LINGO1: variants seen among roughly 807,000 people sequenced by gnomAD.
LINGO1 encodes the protein leucine-rich repeat and immunoglobulin-like domain-containing nogo receptor-interacting protein 1.
In LINGO1, 11 loss-of-function variants were observed where a neutral mutation model predicts 37.3. The ratio of observed to expected loss-of-function variants is 0.29; its 90% CI spans 0.19 to 0.49. LINGO1 has a LOEUF of 0.49. Ranked by LOEUF, LINGO1 falls within the 20% of genes least tolerant of loss-of-function variation. The pLI, the probability that LINGO1 is intolerant of heterozygous loss-of-function variation, is 0.99. For missense variants in LINGO1, 585 were observed against 878.2 expected, an observed-to-expected ratio of 0.67 and a Z score of 4.22; for synonymous variants, 387 against 403.0, an observed-to-expected ratio of 0.96 and a Z score of 0.48.
rs1385534919 is a variant in LINGO1 at position 77,615,219 on chromosome 15, T to C, written c.688A>G (p.Ile230Val). 6.2e-7 allele frequency: 1 copy of C among 1,613,612 alleles called. No individual in the cohort carries two copies. Among genetic ancestry groups the C allele is most frequent in the Non-Finnish European group, 8.5e-7 (1 of 1,179,826 alleles). The change falls in exon 2 of 2, where the codon ATC becomes GTC. Residue 230 changes from isoleucine to valine, a missense_variant. By Grantham distance (29) the Ile-to-Val change is conservative. Around this residue, in one of 4 missense-constraint regions of LINGO1, gnomAD observed 484 missense variants for 735.0 expected, o/e 0.66. Coordinates refer to ENST00000355300, the MANE Select transcript of LINGO1 (RefSeq NM_032808.7). ...AGCCTCTTGAAGGAGTAGTCCCGGATGGCATTGATGTTGAGGTGCCGGAGC... is the reference window on the plus strand; with the variant it reads ...AGCCTCTTGAAGGAGTAGTCCCGGACGGCATTGATGTTGAGGTGCCGGAGC... ...LRLRHLNINAIRDYSFKRLYR... is the reference protein window; with the variant it reads ...LRLRHLNINAVRDYSFKRLYR...
At chr15:77,742,408 C>A (rs1360616752) in intron 1 of LINGO1, among the ~76,000 whole-genome samples, 3 of 152,212 alleles carry the variant, frequency 2.0e-5, no homozygotes, top group Non-Finnish European at 4.4e-5. Flanking sequence ...CACATCAGCT[C>A]ACCTCCCTCT....
At chr15:77,737,520 C>T (rs1384023628) in intron 1 of LINGO1, among the ~76,000 whole-genome samples, 1 of 152,090 alleles carries the variant, frequency 6.6e-6, no homozygotes, top group East Asian at 1.9e-4. Flanking sequence ...CACATGCCCT[C>T]CCATTTCTCT....
rs148844248 is a variant in LINGO1 at position 77,762,821 on chromosome 15, C to G, written c.-257+24048G>C. ...CACCCGTGCCTGCCAAGCAGCCCCCCACACCTCTTCCCTGCCCCAGGGCTT... is the reference window on the plus strand; with the variant it reads ...CACCCGTGCCTGCCAAGCAGCCCCCGACACCTCTTCCCTGCCCCAGGGCTT... On this transcript the variant is annotated intron_variant, in intron 1 of 3. Coordinates refer to the LINGO1 transcript ENST00000561686. 5.8e-4 allele frequency among the ~76,000 whole-genome samples: 88 copies of G among 152,284 alleles called. 1 individual carries two copies. The East Asian group carries it at 0.014, about 25-fold the overall frequency.
chr15:77,693,107 T>C (rs961405915), intron 1 of LINGO1, among the ~76,000 whole-genome samples: 1 of 152,210 alleles, frequency 6.6e-6, no homozygotes, highest in African/African-American at 2.4e-5. Context: ...CACAAAACTG[T>C]CATATCATTA....
chr15:77,688,821 C>G (rs770284541), intron 2 of LINGO1, among the ~76,000 whole-genome samples: 3 of 152,246 alleles, frequency 2.0e-5, no homozygotes, highest in Non-Finnish European at 4.4e-5. Context: ...CAACTGCAAG[C>G]CACAGCATCC....
In LINGO1 at chr15:77,745,146, G is replaced by T. The variant is rs1282751420; in HGVS notation, c.-256-10093C>A. On this transcript the variant is annotated intron_variant, in intron 1 of 3. Transcript: ENST00000561686. ...GTCTTAAAAAAAAAAAAAAAAAAAA[G>T]GCTGGGCACGGTGGCTCACGCCTGT... 4.0e-5 allele frequency among the ~76,000 whole-genome samples: 5 copies of T among 123,506 alleles called. No homozygotes were observed. In the East Asian group the frequency reaches 9.6e-4, roughly 24 times the overall value. 81.0% of individuals were successfully genotyped at this position (123,506 alleles called of 152,430 possible).
At chr15:77,634,975 C>T (rs994101405), upstream of LINGO1, among the ~76,000 whole-genome samples, 2 of 152,182 alleles carry the variant, frequency 1.3e-5, no homozygotes, top group African/African-American at 2.4e-5. Context: ...GCCACCACAT[C>T]TCTCCGCCCC....
At chr15:77,790,974 C>G (rs773765889), upstream of LINGO1, among the ~76,000 whole-genome samples, 8 of 152,190 alleles carry the variant, frequency 5.3e-5, no homozygotes, top group Non-Finnish European at 1.2e-4. Context: ...TGGGTTCCAA[C>G]CTGGCTGACC....
At chr15:77,720,573 T>A (rs960058685) in intron 2 of LINGO1, 1 of 152,254 alleles carries the variant, frequency 6.6e-6, no homozygotes, top group African/African-American at 2.4e-5. Flanking sequence ...AAAGAAAGCA[T>A]TTTAATTAAC....
chr15:77,760,873 A>G (rs968511291), intron 1 of LINGO1, among the ~76,000 whole-genome samples: 8 of 149,428 alleles, frequency 5.4e-5, no homozygotes, highest in Admixed American at 3.3e-4. Flanking sequence ...AACCACAGAA[A>G]TTTGCTAAAA....
intron 2 of LINGO1, among the ~76,000 whole-genome samples, chr15:77,732,749 GC>G (rs1227490474): frequency 6.6e-6 from 1 of 152,236 alleles, no homozygotes; most frequent in Non-Finnish European, 1.5e-5. Flanking sequence ...TCGGACAGAT[GC>G]CGTTGTTGTA....
At chr15:77,750,694 G>GCAC (rs1282636155) in intron 1 of LINGO1, among the ~76,000 whole-genome samples, 1 of 152,194 alleles carries the variant, frequency 6.6e-6, no homozygotes, top group Non-Finnish European at 1.5e-5. Context: ...TTGACACCCT[G>GCAC]CACCACCTCC....
intron 1 of LINGO1, among the ~76,000 whole-genome samples, chr15:77,772,460 T>C (rs2076595362): frequency 1.3e-5 from 2 of 152,140 alleles, no homozygotes; most frequent in Non-Finnish European, 2.9e-5. Context: ...AGGCAGACGC[T>C]GCGGCTCAGA....
chr15:77,625,038 T>C (rs941531638), intron 1 of LINGO1, among the ~76,000 whole-genome samples: 1 of 152,114 alleles, frequency 6.6e-6, no homozygotes, highest in Non-Finnish European at 1.5e-5. Flanking sequence ...CACACCTTCC[T>C]GGGGCCCCCA....
At chr15:77,797,851 T>A (rs1285579159) in intron 1 of LINGO1, among the ~76,000 whole-genome samples, 1 of 152,206 alleles carries the variant, frequency 6.6e-6, no homozygotes, top group Non-Finnish European at 1.5e-5. Flanking sequence ...AGAATCAACA[T>A]TCTATCAAAT....
intron 1 of LINGO1, among the ~76,000 whole-genome samples, chr15:77,744,868 C>A (rs143090466): frequency 6.6e-6 from 1 of 152,128 alleles, no homozygotes; most frequent in East Asian, 1.9e-4. Flanking sequence ...GTAATCCCAG[C>A]ACTTTGGGAG....
intron 3 of LINGO1, among the ~76,000 whole-genome samples, chr15:77,668,770 C>A (rs948718784): frequency 1.3e-5 from 2 of 149,302 alleles, no homozygotes; most frequent in East Asian, 2.0e-4. Flanking sequence ...AGGGGAGCTG[C>A]CCTGGGGAGC....
At chr15:77,662,549 C>T (rs1052755418) in intron 3 of LINGO1, among the ~76,000 whole-genome samples, 2 of 152,112 alleles carry the variant, frequency 1.3e-5, no homozygotes, top group Non-Finnish European at 2.9e-5. Context: ...TCTTTAGCAG[C>T]CCCCAGCTCA....
rs116708344 is a variant in LINGO1, at chr15:77,629,998, G to C, written c.6+2312C>G. ...TGCGGGGCCAAGCCAGGTGAGGATG[G>C]GGGGATACGTGGAGGAACTGGTGGA... On this transcript the variant is annotated intron_variant, in intron 1 of 1. Coordinates refer to ENST00000355300, the MANE Select transcript of LINGO1 (RefSeq NM_032808.7). 8.0e-3 allele frequency among the ~76,000 whole-genome samples: 1,218 copies of C among 152,170 alleles called. 23 individuals are homozygous for C. Among genetic ancestry groups the C allele is most frequent in the African/African-American group, 0.027 (1,127 of 41,498 alleles).
Sources: allele counts gnomAD v4.1 joint callset (sites outside exome capture counted in the v4.1 genomes callset), GRCh38; gene constraint gnomAD v4.1.1; regional missense constraint gnomAD v4.1.1; transcripts MANE v1.5; gene names NCBI Gene and HGNC (gene_info 2026-07-23, HGNC 2026-07-21).